Variants in MRTFA observed in about 807,000 individuals in gnomAD.
MRTFA encodes myocardin related transcription factor A, also known as myocardin-related transcription factor A.
A neutral mutation model predicts 83.5 loss-of-function variants in MRTFA; 20 were observed. The observed-to-expected ratio is 0.24, with a 90% CI of 0.17 to 0.35. MRTFA has a LOEUF of 0.35. MRTFA is among the 10% of genes least tolerant of loss of function. MRTFA has a pLI of 1.00. For missense variants in MRTFA, 1,200 were observed against 1,224.7 expected (o/e 0.98, Z 0.30); for synonymous variants, 659 against 541.2 (o/e 1.22, Z -3.02).
intron 4 of MRTFA, among the ~76,000 whole-genome samples, chr22:40,450,509 G>A (rs1911701249): frequency 6.6e-6 from 1 of 151,940 alleles, no homozygotes; most frequent in South Asian, 2.1e-4. Flanking sequence ...AGCCTGGAGT[G>A]CAGTGGTGCA....
In MRTFA at chr22:40,429,267, C is replaced by T. The variant is rs997472736; in HGVS notation, c.601+339G>A. ...AGAGTATGACACAGATTTCTAATTC[C>T]TGGCATCTCCACATGTTCACACACA... On this transcript the variant is annotated intron_variant, in intron 7 of 14. Transcript: ENST00000355630. The T allele has an allele frequency of 8.4e-6, 5 of 598,744 alleles. No individual in the cohort carries two copies. In the African/African-American group the frequency reaches 9.3e-5, roughly 11 times the overall value. The allele number at this position is 598,744 out of a possible 1,614,324, so 37.1% of individuals were successfully genotyped here. A position where few individuals can be genotyped will look rare whatever the true frequency, so the allele number is the denominator to read the frequency against.
At chr22:40,451,249 C>T (rs1569272220) in intron 4 of MRTFA, among the ~76,000 whole-genome samples, 1 of 152,152 alleles carries the variant, frequency 6.6e-6, no homozygotes. Flanking sequence ...AGACCATCAA[C>T]CAAAGAGTTG....
intron 3 of MRTFA, among the ~76,000 whole-genome samples, chr22:40,493,858 C>A (rs1646413772): frequency 6.6e-6 from 1 of 152,186 alleles, no homozygotes; most frequent in African/African-American, 2.4e-5. Flanking sequence ...AAGAACTGTA[C>A]ATTGTCTTTG....
chr22:40,586,337 A>G (rs1195528270), intron 2 of MRTFA, among the ~76,000 whole-genome samples: 4 of 152,186 alleles, frequency 2.6e-5, no homozygotes, highest in Non-Finnish European at 5.9e-5. Flanking sequence ...TGCGAAGCAC[A>G]AATTGTATTA....
chr22:40,619,889 CAA>C lies in MRTFA; in HGVS notation c.-84+16587_-84+16588del, dbSNP rs1213944103. Among the ~76,000 whole-genome samples, 156 of 52,440 alleles carry C rather than the reference CAA, an allele frequency of 3.0e-3. 1 individual carries two copies. Among genetic ancestry groups the C allele is most frequent in the Middle Eastern group, 0.026 (3 of 116 alleles). The allele number at this position is 52,440 out of a possible 152,430, so 34.4% of individuals were successfully genotyped here. ...TGGGCAACAGAGCGAAACTCCGTCT[CAA>C]AAAAAAAAAAAAAAAAAAGAAATCA... On this transcript the variant is annotated intron_variant, in intron 1 of 14. Coordinates refer to ENST00000355630, the MANE Select transcript of MRTFA (RefSeq NM_020831.6).
chr22:40,429,326 G>GAAGC, intron 7 of MRTFA: 1 of 614,052 alleles, frequency 1.6e-6, no homozygotes, highest in South Asian at 2.0e-5. Context: ...TGTGAAAGAG[G>GAAGC]AAGCAACCCG....
rs1258474966 is a variant in MRTFA, at chr22:40,594,688, CCA to C, written c.-38_-37del. 6.6e-6 allele frequency: 1 copy of C among 152,026 alleles called. No individual in the cohort carries two copies. Among genetic ancestry groups the C allele is most frequent in the African/African-American group, 2.4e-5 (1 of 41,374 alleles). The allele number at this position is 152,026 out of a possible 1,614,324, so 9.4% of individuals were successfully genotyped here. A position where few individuals can be genotyped will look rare whatever the true frequency, so the allele number is the denominator to read the frequency against. ...CTGGGACCTACCTTGCTTACAATTC[CCA>C]CAGACAGATGAAATTCAATTCCATG... On this transcript the variant is annotated 5_prime_UTR_variant, in exon 2 of 15. The change abolishes the stop of an existing upstream ORF in the 5' untranslated region. Transcript: ENST00000355630.
At chr22:40,477,051 C>A (rs1226001697) in intron 3 of MRTFA, among the ~76,000 whole-genome samples, 2 of 151,700 alleles carry the variant, frequency 1.3e-5, no homozygotes, top group Non-Finnish European at 2.9e-5. Flanking sequence ...GACCTCTGGC[C>A]AGGTGCGGTG....
intron 2 of MRTFA, among the ~76,000 whole-genome samples, chr22:40,572,556 G>C (rs1316729263): frequency 6.6e-6 from 1 of 151,836 alleles, no homozygotes; most frequent in East Asian, 1.9e-4. Flanking sequence ...TCTCAGTAAA[G>C]CTGTTTTTTT....
At chr22:40,498,133 C>A (rs1035670388) in intron 3 of MRTFA, among the ~76,000 whole-genome samples, 14 of 151,268 alleles carry the variant, frequency 9.3e-5, no homozygotes, top group African/African-American at 3.4e-4. Flanking sequence ...CAGAGTAAGA[C>A]CCTGTGTCAA....
At position 40,518,680 on chromosome 22, in the gene MRTFA, G is replaced by A. The variant is rs548657871; in HGVS notation, c.241+33426C>T. Among the ~76,000 whole-genome samples the A allele has an allele frequency of 4.6e-5, 7 of 150,806 alleles. No homozygotes were observed. In the South Asian group the frequency reaches 8.4e-4, roughly 18 times the overall value. On this transcript the variant is annotated intron_variant, in intron 3 of 14. Coordinates refer to ENST00000355630, the MANE Select transcript of MRTFA (RefSeq NM_020831.6). ...TGTGGTGGCGGGCACCTGTAGTCCC[G>A]GCTTCTCAGGAAGCTGAGGAAGGAG...
chr22:40,505,132 C>T (rs2054560123), intron 3 of MRTFA, among the ~76,000 whole-genome samples: 1 of 152,176 alleles, frequency 6.6e-6, no homozygotes, highest in African/African-American at 2.4e-5. Context: ...TCAACAGATG[C>T]TCACAAATTA....
At chr22:40,417,720 AGAGGTCTCT>A in intron 12 of MRTFA, 1 of 544,712 alleles carries the variant, frequency 1.8e-6, no homozygotes. Context: ...GAGGTTTGGG[AGAGGTCTCT>A]GGGCTGGGCT....
rs2054326911 is a variant in MRTFA, at chr22:40,494,940, T to A, written c.242-31654A>T. 2.0e-5 allele frequency among the ~76,000 whole-genome samples: 3 copies of A among 152,244 alleles called. No homozygotes were observed. In the South Asian group the frequency reaches 6.2e-4, roughly 32 times the overall value. On this transcript the variant is annotated intron_variant, in intron 3 of 14. Coordinates refer to ENST00000355630, the MANE Select transcript of MRTFA (RefSeq NM_020831.6). ...GGAGGTGATGGAAATAATCTATATG[T>A]CTTGATAAAAGGTGGTGGTTTACCT... is the stretch of plus-strand genomic sequence containing the variant.
intron 2 of MRTFA, among the ~76,000 whole-genome samples, chr22:40,574,595 G>A (rs1384892766): frequency 1.3e-5 from 2 of 151,664 alleles, no homozygotes; most frequent in African/African-American, 4.8e-5. Flanking sequence ...CCACCACGCC[G>A]GCTGATTTTT....
Position 40,411,597 on chromosome 22 carries a change from G to T in MRTFA, c.2889C>A (p.Thr963=). ...GCTCAGGAACAAAGTGCAATTCCGA[G>T]GTGTCCATGGGTGACGGGGGGTGGT... is the stretch of plus-strand genomic sequence containing the variant. Residue 963 remains threonine, a synonymous_variant, in exon 15 of 15, where the codon ACC becomes ACA. Coordinates refer to ENST00000355630, the MANE Select transcript of MRTFA (RefSeq NM_020831.6). The T allele has an allele frequency of 6.2e-7, 1 of 1,613,870 alleles. No homozygotes were observed. Among genetic ancestry groups the T allele is most frequent in the Non-Finnish European group, 8.5e-7 (1 of 1,180,004 alleles).
rs1366723006 is a variant in MRTFA, at chr22:40,570,577, C to CCAAAA, written c.-21-18211_-21-18210insTTTTG. ...TAGGCGACAGAGCGAGACTCTGTCTCAAAAAAAAAAAAAAAAAAAAAAAAA... is the reference window on the plus strand; with the variant it reads ...TAGGCGACAGAGCGAGACTCTGTCTCCAAAAAAAAAAAAAAAAAAAAAAAAAAAAA... On this transcript the variant is annotated intron_variant, in intron 2 of 14. Coordinates refer to ENST00000355630, the MANE Select transcript of MRTFA (RefSeq NM_020831.6). 6.0e-4 allele frequency among the ~76,000 whole-genome samples: 14 copies of CCAAAA among 23,150 alleles called. 1 individual carries two copies. Among genetic ancestry groups the CCAAAA allele is most frequent in the South Asian group, 4.5e-3 (2 of 440 alleles). 15.2% of individuals were successfully genotyped at this position (23,150 alleles called of 152,430 possible).
chr22:40,574,167 A>G (rs2055836519), intron 2 of MRTFA, among the ~76,000 whole-genome samples: 1 of 152,198 alleles, frequency 6.6e-6, no homozygotes, highest in Non-Finnish European at 1.5e-5. Context: ...ACTTGTGCTA[A>G]GGTGCCAGCA....
At chr22:40,544,763 C>T (rs2055337694) in intron 3 of MRTFA, among the ~76,000 whole-genome samples, 1 of 151,998 alleles carries the variant, frequency 6.6e-6, no homozygotes. Context: ...CATAGCAAGA[C>T]TCTGTCTATA....
Sources: gnomAD v4.1 joint callset for allele counts (sites outside exome capture counted in the v4.1 genomes callset) on GRCh38, gnomAD v4.1.1 for gene constraint, MANE v1.5 for transcripts, NCBI Gene and HGNC (gene_info 2026-07-23, HGNC 2026-07-21) for gene names.